Variants in PRIM2 observed in about 807,000 individuals in gnomAD.
PRIM2 encodes DNA primase large subunit.
A neutral mutation model predicts 67.3 loss-of-function variants in PRIM2; 39 were observed. The observed-to-expected ratio is 0.58, with a 90% CI of 0.45 to 0.76. The LOEUF (loss-of-function observed/expected upper bound fraction) is 0.76. Ranked by LOEUF, PRIM2 falls within the 30% of genes least tolerant of loss-of-function variation. PRIM2 has a pLI of 0.00. For synonymous variants in PRIM2, 143 were observed against 198.7 expected (o/e 0.72, Z 2.36); for missense variants, 398 against 598.7 (o/e 0.66, Z 3.50).
chr6:57,451,948 A>G (rs1469804388), intron 7 of PRIM2, among the ~76,000 whole-genome samples: 1 of 112,902 alleles, frequency 8.9e-6, no homozygotes, highest in Non-Finnish European at 1.8e-5. Flanking sequence ...TCACCCCACA[A>G]CAGGCCCTGG....
intron 8 of PRIM2, among the ~76,000 whole-genome samples, chr6:57,518,574 A>G (rs1351190329): frequency 1.1e-4 from 17 of 152,296 alleles, no homozygotes; most frequent in Middle Eastern, 3.4e-3. Context: ...GAATGAATGG[A>G]TGAGTGAATT....
intron 5 of PRIM2, among the ~76,000 whole-genome samples, chr6:57,345,355 C>T (rs1433692696): frequency 2.6e-5 from 4 of 151,500 alleles, no homozygotes; most frequent in Admixed American, 1.3e-4. Flanking sequence ...TTAGTAGAGA[C>T]GGGGTTTTGT....
At chr6:57,581,821 C>CCAAG (rs1776088571) in intron 10 of PRIM2, among the ~76,000 whole-genome samples, 1 of 152,114 alleles carries the variant, frequency 6.6e-6, no homozygotes, top group South Asian at 2.1e-4. Context: ...AAAAAGATTC[C>CCAAG]TAACAGTTCA....
chr6:57,501,628 C>G (rs1363676246), intron 7 of PRIM2, among the ~76,000 whole-genome samples: 1 of 152,024 alleles, frequency 6.6e-6, no homozygotes, highest in Non-Finnish European at 1.5e-5. Flanking sequence ...AACTTTATGT[C>G]CTTTTTATGT....
the PRIM2 span, among the ~76,000 whole-genome samples, chr6:57,227,629 G>A: frequency 7.0e-6 from 1 of 142,154 alleles, no homozygotes; most frequent in African/African-American, 2.6e-5. Flanking sequence ...CAGCCACAGG[G>A]TGAGACCATC....
chr6:57,506,328 T>C (rs1554347237), intron 7 of PRIM2, among the ~76,000 whole-genome samples: 1 of 152,076 alleles, frequency 6.6e-6, no homozygotes, highest in African/African-American at 2.4e-5. Flanking sequence ...ATAAAAGATA[T>C]TTTTAGATGA....
intron 10 of PRIM2, among the ~76,000 whole-genome samples, chr6:57,570,023 A>T (rs1775832653): frequency 6.6e-6 from 1 of 152,066 alleles, no homozygotes; most frequent in Admixed American, 6.6e-5. Flanking sequence ...ATTACAGGTG[A>T]GCCACCACGC....
At chr6:57,529,214 G>A (rs1327368380) in intron 8 of PRIM2, among the ~76,000 whole-genome samples, 1 of 152,078 alleles carries the variant, frequency 6.6e-6, no homozygotes, top group Non-Finnish European at 1.5e-5. Flanking sequence ...GGAGGCTGAG[G>A]CAGGAGAATG....
At chr6:57,596,352 A>G (rs1376302593) in intron 10 of PRIM2, among the ~76,000 whole-genome samples, 1 of 152,102 alleles carries the variant, frequency 6.6e-6, no homozygotes, top group African/African-American at 2.4e-5. Flanking sequence ...AGGACATGAA[A>G]GAAGCCAGAC....
At chr6:57,360,301 C>T (rs1481629684) in intron 5 of PRIM2, among the ~76,000 whole-genome samples, 1 of 152,100 alleles carries the variant, frequency 6.6e-6, no homozygotes, top group Non-Finnish European at 1.5e-5. Context: ...ATTATACAGG[C>T]TTCTTAATTT....
intron 7 of PRIM2, among the ~76,000 whole-genome samples, chr6:57,434,649 A>AT (rs1771952935): frequency 4.4e-5 from 6 of 137,790 alleles, no homozygotes; most frequent in South Asian, 2.1e-4. Flanking sequence ...CTCTTGATTT[A>AT]TTTTTTTTCT....
the PRIM2 span, among the ~76,000 whole-genome samples, chr6:57,293,485 G>C: frequency 6.6e-6 from 1 of 152,008 alleles, no homozygotes; most frequent in African/African-American, 2.4e-5. Flanking sequence ...CCCATTACTG[G>C]GTATATACCC....
rs1181618356 is a variant in PRIM2, at chr6:57,578,983, T to C, written c.1021-22110T>C. ...GAGCCACCGCGCCCGGCCCACCTCC[T>C]TCCTTCTTTTGAGCACATCCTCCCT... On this transcript the variant is annotated intron_variant, in intron 10 of 13. Coordinates refer to ENST00000615550, the MANE Select transcript of PRIM2 (RefSeq NM_000947.5). Among the ~76,000 whole-genome samples the C allele has an allele frequency of 1.4e-3, 211 of 152,234 alleles. 5 individuals are homozygous for C. The East Asian group carries it at 0.019, about 14-fold the overall frequency.
chr6:57,325,306 T>C (rs1475145610), intron 4 of PRIM2, among the ~76,000 whole-genome samples: 6 of 18,436 alleles, frequency 3.3e-4, no homozygotes, highest in Non-Finnish European at 8.0e-4. Context: ...TCTCTCTCTC[T>C]TTTTTTTTTT....
chr6:57,525,172 C>A (rs1366658585), intron 8 of PRIM2, among the ~76,000 whole-genome samples: 2 of 152,072 alleles, frequency 1.3e-5, no homozygotes, highest in Non-Finnish European at 2.9e-5. Flanking sequence ...GCCCCTCCGT[C>A]TGTTATGTGA....
At chr6:57,629,269 A>T (rs1445475885) in intron 12 of PRIM2, among the ~76,000 whole-genome samples, 1 of 152,192 alleles carries the variant, frequency 6.6e-6, no homozygotes, top group African/African-American at 2.4e-5. Context: ...AAGAAGTCCT[A>T]ACTCTAAGAG....
chr6:57,562,970 A>T (rs1304760358), intron 10 of PRIM2, among the ~76,000 whole-genome samples: 1 of 152,208 alleles, frequency 6.6e-6, no homozygotes, highest in Non-Finnish European at 1.5e-5. Flanking sequence ...GATCAGTGTC[A>T]TTATAAGCAG....
intron 7 of PRIM2, among the ~76,000 whole-genome samples, chr6:57,476,548 A>G (rs1773481565): frequency 2.0e-5 from 3 of 152,166 alleles, no homozygotes; most frequent in South Asian, 2.1e-4. Flanking sequence ...CTATTTATTA[A>G]TGTTATATAA....
At chr6:57,317,149 C>G (rs1767505334), upstream of PRIM2, among the ~76,000 whole-genome samples, 1 of 152,026 alleles carries the variant, frequency 6.6e-6, no homozygotes, top group Non-Finnish European at 1.5e-5. Context: ...CCTTATAGGT[C>G]GCTGAAAGAT....
Sources: gnomAD v4.1 joint callset for allele counts (sites outside exome capture counted in the v4.1 genomes callset) on GRCh38, gnomAD v4.1.1 for gene constraint, MANE v1.5 for transcripts, NCBI Gene and HGNC (gene_info 2026-07-23, HGNC 2026-07-21) for gene names.